Variants in RNF38 observed in about 807,000 individuals in gnomAD.
RNF38 encodes the protein ring finger protein 38.
A neutral mutation model predicts 67.2 loss-of-function variants in RNF38; 15 were observed. That is an observed-to-expected ratio of 0.22 (90% CI 0.15 to 0.34). The LOEUF (loss-of-function observed/expected upper bound fraction) is 0.34. Ranked by LOEUF, RNF38 falls within the 10% of genes least tolerant of loss-of-function variation. The probability of loss-of-function intolerance (pLI) is 1.00; values close to 1 mark genes in which losing one functional copy is unlikely to be tolerated. For missense variants in RNF38, 524 were observed against 639.9 expected, an observed-to-expected ratio of 0.82 and a Z score of 1.95; for synonymous variants, 220 against 218.8, an observed-to-expected ratio of 1.01 and a Z score of -0.05.
chr9:36,410,457 G>C (rs1461209895), intron 2 of RNF38, among the ~76,000 whole-genome samples: 1 of 152,164 alleles, frequency 6.6e-6, no homozygotes, highest in African/African-American at 2.4e-5. Context: ...CTCCCGTGCA[G>C]CTGGGATTAC....
At chr9:36,476,220 G>C (rs1276928182) in intron 1 of RNF38, among the ~76,000 whole-genome samples, 2 of 152,038 alleles carry the variant, frequency 1.3e-5, no homozygotes, top group Non-Finnish European at 2.9e-5. Flanking sequence ...GGTCTCCCGG[G>C]TTCAAATGAG....
chr9:36,366,466 T>C (rs1427998338), intron 4 of RNF38, among the ~76,000 whole-genome samples: 1 of 152,218 alleles, frequency 6.6e-6, no homozygotes, highest in Non-Finnish European at 1.5e-5. Flanking sequence ...TGTTTGATTC[T>C]GGTATTAAAA....
rs932036081 is a variant in RNF38, at chr9:36,425,570, T to C, written n.242-887A>G. 5.9e-5 allele frequency among the ~76,000 whole-genome samples: 9 copies of C among 151,886 alleles called. No individual in the cohort carries two copies. In the South Asian group the frequency reaches 8.3e-4, roughly 14 times the overall value. On this transcript the variant is annotated intron_variant and non_coding_transcript_variant, in intron 1 of 3. Coordinates refer to the RNF38 transcript ENST00000488058. ...TTAGCCACGCGTGGTGGCGCACCCC[T>C]GTAATCCCAGCTAATAGGGAGGCTG...
rs1278347032 is a variant in RNF38 at position 36,418,041 on chromosome 9, A to G, written n.312+6572T>C. Among the ~76,000 whole-genome samples the G allele has an allele frequency of 2.0e-5, 3 of 150,536 alleles. No homozygotes were observed. The East Asian group carries it at 6.0e-4, about 30-fold the overall frequency. On this transcript the variant is annotated intron_variant and non_coding_transcript_variant, in intron 2 of 3. Transcript: ENST00000488058. The stretch of plus-strand genomic sequence containing the variant: ...AGTGCTGTGTTTGTTTTTACAATCA[A>G]TATGTGATTTTTTTTTTTTTTTTGG...
intron 1 of RNF38, among the ~76,000 whole-genome samples, chr9:36,442,946 T>A (rs1317345238): frequency 1.3e-5 from 2 of 152,186 alleles, no homozygotes; most frequent in African/African-American, 4.8e-5. Flanking sequence ...CTCACCCAAA[T>A]TCTTCAATGA....
intron 2 of RNF38, among the ~76,000 whole-genome samples, chr9:36,383,327 A>G (rs1407835770): frequency 1.3e-5 from 2 of 152,126 alleles, no homozygotes; most frequent in Non-Finnish European, 2.9e-5. Context: ...TCAGTCTACC[A>G]AGTAGCTGGG....
intron 1 of RNF38, among the ~76,000 whole-genome samples, chr9:36,397,664 T>A (rs1318630062): frequency 6.6e-6 from 1 of 151,818 alleles, no homozygotes; most frequent in African/African-American, 2.4e-5. Context: ...CATAAGGTGA[T>A]GAAAAAGAAG....
chr9:36,384,031 G>GT (rs1355968641), intron 2 of RNF38, among the ~76,000 whole-genome samples: 1 of 152,104 alleles, frequency 6.6e-6, no homozygotes, highest in African/African-American at 2.4e-5. Context: ...TAGTATTTGA[G>GT]TAACAGACTA....
At chr9:36,411,640 C>T (rs1348622580) in intron 2 of RNF38, among the ~76,000 whole-genome samples, 2 of 152,146 alleles carry the variant, frequency 1.3e-5, no homozygotes, top group African/African-American at 4.8e-5. Context: ...TGGGTCACTA[C>T]AACCTCCGCC....
intron 1 of RNF38, among the ~76,000 whole-genome samples, chr9:36,458,517 G>A (rs1388680059): frequency 6.6e-6 from 1 of 152,140 alleles, no homozygotes; most frequent in Non-Finnish European, 1.5e-5. Context: ...CTTCATTCCT[G>A]AAGTCAGCGA....
At position 36,369,902 on chromosome 9, in the gene RNF38, C is replaced by T. The variant is rs559768516; in HGVS notation, c.387G>A (p.Arg129=). ...TGGAATTATGTCGAGACAGACGATCCCTTCTTCCTCTCTGGCGCCTGACAG... is the reference window on the plus strand; with the variant it reads ...TGGAATTATGTCGAGACAGACGATCTCTTCTTCCTCTCTGGCGCCTGACAG... The part of the protein sequence containing the change: ...SPPVRRQRGR[R]DRLSRHNSIS... Residue 129 remains arginine, a synonymous_variant, in exon 4 of 12, where the codon AGG becomes AGA. Coordinates refer to ENST00000259605, the MANE Select transcript of RNF38 (RefSeq NM_022781.5). 1.2e-6 allele frequency: 2 copies of T among 1,613,034 alleles called. No homozygotes were observed. Among genetic ancestry groups the T allele is most frequent in the South Asian group, 2.2e-5 (2 of 91,034 alleles).
At chr9:36,357,438 T>C (rs1398387442) in intron 5 of RNF38, among the ~76,000 whole-genome samples, 3 of 152,208 alleles carry the variant, frequency 2.0e-5, no homozygotes, top group Non-Finnish European at 2.9e-5. Context: ...CTGACCTTCA[T>C]TGGCTTTAAT....
chr9:36,483,158 A>C (rs1210312651), intron 1 of RNF38, among the ~76,000 whole-genome samples: 1 of 152,144 alleles, frequency 6.6e-6, no homozygotes, highest in East Asian at 1.9e-4. Context: ...AGGCCGAGGC[A>C]GGCTGATCAC....
At chr9:36,422,791 T>C (rs548026453) in intron 2 of RNF38, among the ~76,000 whole-genome samples, 1 of 152,272 alleles carries the variant, frequency 6.6e-6, no homozygotes, top group Admixed American at 6.5e-5. Flanking sequence ...TCCCCCATAT[T>C]TCCAGAAAAA....
At chr9:36,396,086 G>C (rs1244642644) in intron 1 of RNF38, among the ~76,000 whole-genome samples, 1 of 152,186 alleles carries the variant, frequency 6.6e-6, no homozygotes, top group African/African-American at 2.4e-5. Context: ...ACATGTATAA[G>C]CTCCATGTCC....
intron 1 of RNF38, among the ~76,000 whole-genome samples, chr9:36,475,753 C>G (rs1441102498): frequency 6.6e-6 from 1 of 151,170 alleles, no homozygotes; most frequent in Non-Finnish European, 1.5e-5. Context: ...TGCGGTGGCT[C>G]ACGCCTGTAA....
At chr9:36,434,245 AG>A (rs1349231489) in intron 1 of RNF38, among the ~76,000 whole-genome samples, 2 of 97,426 alleles carry the variant, frequency 2.1e-5, no homozygotes, top group African/African-American at 3.9e-5. Context: ...AGAAAGGGGA[AG>A]GGAGGGGAGG....
chr9:36,482,634 T>C (rs1169496249), intron 1 of RNF38, among the ~76,000 whole-genome samples: 1 of 152,218 alleles, frequency 6.6e-6, no homozygotes, highest in Non-Finnish European at 1.5e-5. Context: ...ATTATAAGCG[T>C]GAGCCACTGC....
chr9:36,462,752 A>G (rs1839763595), intron 1 of RNF38, among the ~76,000 whole-genome samples: 1 of 150,374 alleles, frequency 6.7e-6, no homozygotes, highest in South Asian at 2.1e-4. Context: ...TCAGCTCACC[A>G]CAACTTCCGC....
Sources: gnomAD v4.1 joint callset for allele counts (sites outside exome capture counted in the v4.1 genomes callset) on GRCh38, gnomAD v4.1.1 for gene constraint, MANE v1.5 for transcripts, NCBI Gene and HGNC (gene_info 2026-07-23, HGNC 2026-07-21) for gene names.